NBPF19: variants seen among roughly 807,000 people sequenced by gnomAD.
The protein encoded by NBPF19 is NBPF family member NBPF19.
NBPF19 carries 30 observed loss-of-function variants against 45.9 expected under a neutral mutation model. The ratio of observed to expected loss-of-function variants is 0.65; its 90% CI spans 0.49 to 0.89. The LOEUF is 0.89. Among genes scored for constraint, NBPF19 ranks in the 40% least tolerant of loss-of-function variants. The pLI is 0.00. For synonymous variants in NBPF19, 183 were observed against 181.2 expected, an observed-to-expected ratio of 1.01 and a Z score of -0.08; for missense variants, 495 against 471.8, an observed-to-expected ratio of 1.05 and a Z score of -0.46.
chr1:149,495,655 CTGTG>C (rs1286072376), intron 19 of NBPF19, among the ~76,000 whole-genome samples: 35 of 42,126 alleles, frequency 8.3e-4, no homozygotes, highest in African/African-American at 3.2e-3. Flanking sequence ...CTCTCTCTCT[CTGTG>C]TGTGTGTGTG....
chr1:149,487,796 T>TGG (rs2085679480), intron 9 of NBPF19, among the ~76,000 whole-genome samples: 1 of 148,718 alleles, frequency 6.7e-6, no homozygotes. Flanking sequence ...TGTGTGTGTG[T>TGG]GTGTGTGTGT....
At chr1:149,486,758 T>A (rs1402733801) in intron 8 of NBPF19, among the ~76,000 whole-genome samples, 1 of 151,286 alleles carries the variant, frequency 6.6e-6, no homozygotes, top group African/African-American at 2.4e-5. Context: ...CAGGTTTCAC[T>A]GAGTTTATTC....
intron 3 of NBPF19, among the ~76,000 whole-genome samples, 154 bp downstream of exon 3, chr1:149,478,201 C>T (rs1394682498): frequency 6.6e-6 from 1 of 151,006 alleles, no homozygotes; most frequent in African/African-American, 2.4e-5. Context: ...TATCAGTGAA[C>T]AAGGATAATA....
At chr1:149,487,467 T>C in intron 9 of NBPF19, 84 bp downstream of exon 9, 1 of 970,720 alleles carries the variant, frequency 1.0e-6, no homozygotes, top group South Asian at 1.3e-5. Flanking sequence ...ATGCTGAAAA[T>C]AATGATTTTG....
At chr1:149,487,928 C>G (rs1259132061) in intron 9 of NBPF19, 85 bp from the exon 10 acceptor site, 12 of 728,750 alleles carry the variant, frequency 1.6e-5, no homozygotes, top group Admixed American at 7.9e-5. Flanking sequence ...TCAAACTCTT[C>G]CTTATGTTAG....
intron 8 of NBPF19, 58 bp downstream of exon 8, chr1:149,486,351 T>C: frequency 1.6e-6 from 1 of 642,640 alleles, no homozygotes; most frequent in Non-Finnish European, 2.8e-6. Flanking sequence ...GTAGACCCCA[T>C]AATCTTTGGG....
rs1447542388 is a variant in NBPF19 at position 149,475,475 on chromosome 1, G to T, written c.-356G>T. Among the ~76,000 whole-genome samples the T allele has an allele frequency of 3.3e-5, 5 of 151,054 alleles. No homozygotes were observed. Among genetic ancestry groups the T allele is most frequent in the East Asian group, 1.9e-4 (1 of 5,174 alleles). Reference sequence around the variant, plus strand: ...CATGGGTCTGTGGCATTGTCACAAGGGTACACGAATACTGAGAGTGAATGC... The same window carrying T: ...CATGGGTCTGTGGCATTGTCACAAGTGTACACGAATACTGAGAGTGAATGC... On this transcript the variant is annotated 5_prime_UTR_variant, in exon 1 of 94. Transcript: ENST00000651566.
chr1:149,486,759 G>T (rs1346961256), intron 8 of NBPF19, among the ~76,000 whole-genome samples: 3 of 151,176 alleles, frequency 2.0e-5, no homozygotes, highest in African/African-American at 7.3e-5. Context: ...AGGTTTCACT[G>T]AGTTTATTCC....
intron 6 of NBPF19, among the ~76,000 whole-genome samples, chr1:149,481,877 ATTGT>A (rs1406817519): frequency 4.9e-5 from 6 of 121,862 alleles, no homozygotes; most frequent in Admixed American, 1.7e-4. Flanking sequence ...CTCTTAGAAA[ATTGT>A]TTGACCAATT....
At chr1:149,538,447 G>T (rs1241855020) in intron 73 of NBPF19, among the ~76,000 whole-genome samples, 1 of 34,360 alleles carries the variant, frequency 2.9e-5, no homozygotes. Flanking sequence ...GTGTGTGTGT[G>T]TGTGTGTGTG....
In NBPF19 at chr1:149,554,927, T is replaced by C; in HGVS notation, c.*189T>C. Reference sequence around the variant, plus strand: ...CAGTCTGAAGACAATGGACCCACGTTAGGTGTGACACGTTCACATAACTGT... The same window carrying C: ...CAGTCTGAAGACAATGGACCCACGTCAGGTGTGACACGTTCACATAACTGT... On this transcript the variant is annotated 3_prime_UTR_variant, in exon 94 of 94. Coordinates refer to ENST00000651566, the MANE Select transcript of NBPF19 (RefSeq NM_001351365.2). 1 of 1,002,760 alleles carries C rather than the reference T, an allele frequency of 1.0e-6. No individual in the cohort carries two copies. Among genetic ancestry groups the C allele is most frequent in the Non-Finnish European group, 1.5e-6 (1 of 677,374 alleles). 62.1% of individuals were successfully genotyped at this position (1,002,760 alleles called of 1,614,324 possible). A position where few individuals can be genotyped will look rare whatever the true frequency, so the allele number is the denominator to read the frequency against.
chr1:149,478,072 G>C lies in NBPF19; in HGVS notation c.278+25G>C, dbSNP rs1163998768. Reference sequence around the variant, plus strand: ...GGTGAGGGGACCCCGTGGGGGGAGGGCAGGCGGGTAGGTGTGTAGATCTCT... The same window carrying C: ...GGTGAGGGGACCCCGTGGGGGGAGGCCAGGCGGGTAGGTGTGTAGATCTCT... On this transcript the variant is annotated intron_variant, in intron 3 of 93. Coordinates refer to ENST00000651566, the MANE Select transcript of NBPF19 (RefSeq NM_001351365.2). 5.1e-6 allele frequency: 8 copies of C among 1,562,288 alleles called. 1 individual carries two copies. In the African/African-American group the frequency reaches 9.5e-5, roughly 18 times the overall value.
intron 93 of NBPF19, among the ~76,000 whole-genome samples, chr1:149,554,263 C>A (rs1331006959): frequency 0.019 from 2,948 of 151,690 alleles, 5 homozygotes; most frequent in African/African-American, 0.066. Flanking sequence ...CACTAGGTCA[C>A]TTTCTCTCTG....
At chr1:149,488,466 C>A (rs1443759494) in intron 10 of NBPF19, among the ~76,000 whole-genome samples, 5 of 130,416 alleles carry the variant, frequency 3.8e-5, no homozygotes, top group African/African-American at 1.5e-4. Flanking sequence ...TCACACAACT[C>A]TGATTTTGTC....
In NBPF19 at chr1:149,475,418, G is replaced by C. The variant is rs1243442177; in HGVS notation, c.-413G>C. 6.6e-6 allele frequency among the ~76,000 whole-genome samples: 1 copy of C among 150,626 alleles called. No individual in the cohort carries two copies. Among genetic ancestry groups the C allele is most frequent in the Non-Finnish European group, 1.5e-5 (1 of 67,510 alleles). On this transcript the variant is annotated 5_prime_UTR_variant, in exon 1 of 94. Transcript: ENST00000651566. Reference sequence around the variant, plus strand: ...ATGTTGTACAGACAAGAGATAAACAGTGAGGAATATGCTTAGATGTATTGG... The same window carrying C: ...ATGTTGTACAGACAAGAGATAAACACTGAGGAATATGCTTAGATGTATTGG...
chr1:149,491,037 T>C (rs2085848475), intron 13 of NBPF19, 102 bp from the exon 14 acceptor site: 3 of 428,172 alleles, frequency 7.0e-6, no homozygotes, highest in Non-Finnish European at 1.2e-5. Flanking sequence ...TCTATCCTTT[T>C]ACTTTCTTAA....
Position 149,480,402 on chromosome 1 carries a change from T to C in NBPF19, c.566+188T>C, listed in dbSNP as rs4950218. ...GTTTCTCTATGTGTGCTGAGTGTCATGTCTGCACCTTACAGGGATAGCTGA... is the reference window on the plus strand; with the variant it reads ...GTTTCTCTATGTGTGCTGAGTGTCACGTCTGCACCTTACAGGGATAGCTGA... On this transcript the variant is annotated intron_variant, in intron 5 of 93. Transcript: ENST00000651566. Among the ~76,000 whole-genome samples, 5 of 148,424 alleles carry C rather than the reference T, an allele frequency of 3.4e-5. No individual in the cohort carries two copies. The South Asian group carries it at 1.1e-3, about 32-fold the overall frequency.
chr1:149,493,997 T>C (rs2085972482), intron 17 of NBPF19, among the ~76,000 whole-genome samples: 2 of 78,844 alleles, frequency 2.5e-5, no homozygotes, highest in Non-Finnish European at 4.5e-5. Context: ...CTTTTCATGA[T>C]CACTGTTCGC....
intron 8 of NBPF19, among the ~76,000 whole-genome samples, chr1:149,486,959 C>T (rs1224023611): frequency 3.3e-5 from 5 of 150,580 alleles, no homozygotes; most frequent in African/African-American, 1.2e-4. Flanking sequence ...TCTGTGTCCA[C>T]AATCTCATAA....
Sources: allele counts gnomAD v4.1 joint callset (sites outside exome capture counted in the v4.1 genomes callset), GRCh38; gene constraint gnomAD v4.1.1; transcripts MANE v1.5; gene names NCBI Gene and HGNC (gene_info 2026-07-23, HGNC 2026-07-21).